Variants in TBC1D8 observed in about 807,000 individuals in gnomAD.
TBC1D8 encodes the protein BUB2-like protein 1.
In TBC1D8, 65 loss-of-function variants were observed where a neutral mutation model predicts 118.8. The observed-to-expected ratio is 0.55, with a 90% CI of 0.45 to 0.67. The LOEUF is 0.67. Ranked by LOEUF, TBC1D8 falls within the 30% of genes least tolerant of loss-of-function variation. The pLI, the probability that TBC1D8 is intolerant of heterozygous loss-of-function variation, is 0.00. For synonymous variants in TBC1D8, 566 were observed against 595.8 expected (o/e 0.95, Z 0.73); for missense variants, 1,376 against 1,471.2 (o/e 0.94, Z 1.06).
At chr2:101,043,254 C>T (rs1681493244) in intron 5 of TBC1D8, among the ~76,000 whole-genome samples, 1 of 152,148 alleles carries the variant, frequency 6.6e-6, no homozygotes, top group Non-Finnish European at 1.5e-5. Flanking sequence ...GGAAAAGCAC[C>T]ATAAACGCTC....
chr2:101,017,091 GACAA>G (rs1206577329), intron 17 of TBC1D8, among the ~76,000 whole-genome samples: 1 of 92,942 alleles, frequency 1.1e-5, no homozygotes, highest in Non-Finnish European at 2.7e-5. Flanking sequence ...AAAAAAAAAA[GACAA>G]ACACGCACAT....
chr2:101,080,878 GC>G, intron 2 of TBC1D8, among the ~76,000 whole-genome samples: 1 of 151,856 alleles, frequency 6.6e-6, no homozygotes, highest in Middle Eastern at 3.4e-3. Context: ...AACTTTCCAG[GC>G]CCCGTCCCAC....
intron 8 of TBC1D8, among the ~76,000 whole-genome samples, chr2:101,037,298 C>T (rs1681072068): frequency 6.6e-6 from 1 of 152,236 alleles, no homozygotes; most frequent in South Asian, 2.1e-4. Context: ...GCCAGCTCCG[C>T]AGGCCCCACA....
chr2:101,010,918 A>T lies in TBC1D8; in HGVS notation c.3015+11T>A. On this transcript the variant is annotated intron_variant, in intron 19 of 19. Coordinates refer to ENST00000409318, the MANE Select transcript of TBC1D8 (RefSeq NM_001330348.2). Reference sequence around the variant, plus strand: ...AAAAAGTTAATTCTCTGCACTGAAGAAAGTCCATACCTGGCTCATTTTGGG... The same window carrying T: ...AAAAAGTTAATTCTCTGCACTGAAGTAAGTCCATACCTGGCTCATTTTGGG... 1 of 1,606,718 alleles carries T rather than the reference A, an allele frequency of 6.2e-7. No homozygotes were observed. Among genetic ancestry groups the T allele is most frequent in the South Asian group, 1.1e-5 (1 of 90,854 alleles).
intron 2 of TBC1D8, among the ~76,000 whole-genome samples, chr2:101,073,330 T>C (rs189700535): frequency 8.0e-5 from 12 of 150,884 alleles, no homozygotes; most frequent in Admixed American, 2.6e-4. Flanking sequence ...AGTCTTGCTC[T>C]GTTGCCCAGG....
intron 11 of TBC1D8, 108 bp downstream of exon 11, chr2:101,032,160 A>T: frequency 9.9e-7 from 1 of 1,010,404 alleles, no homozygotes. Flanking sequence ...CAAACAGACT[A>T]GCTGAGTGGC....
intron 2 of TBC1D8, among the ~76,000 whole-genome samples, chr2:101,085,386 G>T (rs1675546893): frequency 6.6e-6 from 1 of 151,856 alleles, no homozygotes; most frequent in Non-Finnish European, 1.5e-5. Flanking sequence ...AGCCAACCTA[G>T]GGGGGAGAAA....
At chr2:101,008,884 G>A (rs1204173583) in intron 19 of TBC1D8, among the ~76,000 whole-genome samples, 1 of 152,078 alleles carries the variant, frequency 6.6e-6, no homozygotes, top group Non-Finnish European at 1.5e-5. Flanking sequence ...GTTTATAATA[G>A]GAAAATGCTG....
chr2:101,124,370 T>C (rs2104241630), intron 1 of TBC1D8, among the ~76,000 whole-genome samples: 2 of 152,346 alleles, frequency 1.3e-5, no homozygotes, highest in African/African-American at 4.8e-5. Context: ...AATAAATGCT[T>C]CAAATTTCCT....
chr2:101,036,208 C>T, intron 8 of TBC1D8, 40 bp from the exon 9 acceptor site: 2 of 1,598,070 alleles, frequency 1.3e-6, no homozygotes, highest in Non-Finnish European at 1.7e-6. Flanking sequence ...AGAAGTCTGT[C>T]CTCACCACCC....
At position 101,023,605 on chromosome 2, in the gene TBC1D8, C is replaced by T. The variant is rs573250854; in HGVS notation, c.2521-1084G>A. On this transcript the variant is annotated intron_variant, in intron 15 of 19. Transcript: ENST00000409318. Reference sequence around the variant, plus strand: ...TTCTCAATTCTGAACCACATGAATACATTAACAATTTTTTTTAAGTTTTTT... The same window carrying T: ...TTCTCAATTCTGAACCACATGAATATATTAACAATTTTTTTTAAGTTTTTT... 2.3e-4 allele frequency: 102 copies of T among 438,450 alleles called. 1 individual carries two copies. The highest frequency in any genetic ancestry group is 2.0e-3 in the African/African-American group (93 of 47,610). The allele number at this position is 438,450 out of a possible 1,614,324, so 27.2% of individuals were successfully genotyped here.
intron 1 of TBC1D8, among the ~76,000 whole-genome samples, chr2:101,141,822 C>T (rs1679115049): frequency 6.6e-6 from 1 of 150,734 alleles, no homozygotes; most frequent in Non-Finnish European, 1.5e-5. Flanking sequence ...CACACACACA[C>T]ACATACACAA....
intron 1 of TBC1D8, among the ~76,000 whole-genome samples, chr2:101,096,705 C>CA (rs1210542847): frequency 6.6e-6 from 1 of 151,560 alleles, no homozygotes; most frequent in East Asian, 1.9e-4. Context: ...GGCTCATCAG[C>CA]AGCATGGACA....
intron 1 of TBC1D8, among the ~76,000 whole-genome samples, chr2:101,130,343 G>A (rs894303430): frequency 6.6e-6 from 1 of 152,194 alleles, no homozygotes; most frequent in African/African-American, 2.4e-5. Context: ...CGCGCCCTGA[G>A]GCCCACTGCA....
At chr2:101,013,632 G>A (rs906681316) in intron 17 of TBC1D8, among the ~76,000 whole-genome samples, 1 of 152,176 alleles carries the variant, frequency 6.6e-6, no homozygotes, top group Non-Finnish European at 1.5e-5. Flanking sequence ...CTCCTTTATA[G>A]CCTTAGGGAC....
intron 6 of TBC1D8, among the ~76,000 whole-genome samples, chr2:101,039,504 A>C (rs899503975): frequency 1.3e-5 from 2 of 152,162 alleles, no homozygotes; most frequent in African/African-American, 2.4e-5. Flanking sequence ...AAGAATGCTC[A>C]GTACGTTTGT....
chr2:101,089,746 C>CCACA (rs1176888211), intron 2 of TBC1D8, among the ~76,000 whole-genome samples: 3 of 151,934 alleles, frequency 2.0e-5, no homozygotes, highest in Non-Finnish European at 4.4e-5. Context: ...CAGAAACTGC[C>CCACA]CACACCATTA....
chr2:101,109,432 T>G (rs1318013110), intron 1 of TBC1D8, among the ~76,000 whole-genome samples: 1 of 152,158 alleles, frequency 6.6e-6, no homozygotes, highest in Non-Finnish European at 1.5e-5. Flanking sequence ...TCTGCAAATT[T>G]CAAACGGGTC....
Position 101,007,876 on chromosome 2 carries a change from T to C in TBC1D8, c.3413A>G (p.Lys1138Arg), listed in dbSNP as rs772679281. 5.0e-6 allele frequency: 8 copies of C among 1,612,782 alleles called. No homozygotes were observed. The highest frequency in any genetic ancestry group is 3.3e-5 in the Admixed American group (2 of 59,960). Residue 1138 changes from lysine (K) to arginine (R), a missense_variant, in exon 20 of 20, where the codon AAA (lysine) becomes AGA (arginine). Physicochemically the swap from Lys to Arg is conservative, Grantham distance 26. Coordinates refer to ENST00000409318, the MANE Select transcript of TBC1D8 (RefSeq NM_001330348.2). ...TGATTGGTGGCTCATTTCAAAAGTTTTGAGATTGTACTGATTGATCTTGGC... is the reference window on the plus strand; with the variant it reads ...TGATTGGTGGCTCATTTCAAAAGTTCTGAGATTGTACTGATTGATCTTGGC... Reference protein sequence around the residue: ...ENAKINQYNLKTFEMSHQSQS... With the variant: ...ENAKINQYNLRTFEMSHQSQS...
Sources: gnomAD v4.1 joint callset for allele counts (sites outside exome capture counted in the v4.1 genomes callset) on GRCh38, gnomAD v4.1.1 for gene constraint, MANE v1.5 for transcripts, NCBI Gene and HGNC (gene_info 2026-07-23, HGNC 2026-07-21) for gene names.